The following SUSD6 variants were observed in gnomAD, a reference collection of about 807,000 sequenced individuals.
SUSD6 encodes the protein sushi domain-containing protein 6.
SUSD6 carries 16 observed loss-of-function variants against 28.4 expected under a neutral mutation model. The observed-to-expected ratio is 0.56, with a 90% confidence interval of 0.38 to 0.86. The LOEUF is 0.86. Ranked by LOEUF, SUSD6 falls within the 40% of genes least tolerant of loss-of-function variation. The pLI is 0.00. For synonymous variants in SUSD6, 147 were observed against 159.6 expected, an observed-to-expected ratio of 0.92 and a Z score of 0.59; for missense variants, 341 against 384.2, an observed-to-expected ratio of 0.89 and a Z score of 0.94.
chr14:69,644,084 T>C (rs1206549383), intron 1 of SUSD6, among the ~76,000 whole-genome samples: 1 of 152,246 alleles, frequency 6.6e-6, no homozygotes, highest in Non-Finnish European at 1.5e-5. Flanking sequence ...TTTGTGTTTG[T>C]GTCTTATATA....
chr14:69,675,718 C>A (rs1283237713), intron 2 of SUSD6, among the ~76,000 whole-genome samples: 1 of 152,144 alleles, frequency 6.6e-6, no homozygotes, highest in Non-Finnish European at 1.5e-5. Context: ...ACCATCACAG[C>A]CAGTAAAGGA....
At chr14:69,710,176 A>G (rs1177470579) in intron 5 of SUSD6, among the ~76,000 whole-genome samples, 1 of 152,202 alleles carries the variant, frequency 6.6e-6, no homozygotes, top group Non-Finnish European at 1.5e-5. Context: ...GTAAGTGTAT[A>G]TCATAGCCCT....
chr14:69,632,486 C>T (rs1344452287), intron 1 of SUSD6, among the ~76,000 whole-genome samples: 1 of 152,158 alleles, frequency 6.6e-6, no homozygotes, highest in African/African-American at 2.4e-5. Flanking sequence ...CTTTTCTCTT[C>T]TTCCCAGAGT....
intron 2 of SUSD6, among the ~76,000 whole-genome samples, chr14:69,675,420 G>A (rs1375821007): frequency 6.6e-6 from 1 of 152,178 alleles, no homozygotes; most frequent in Non-Finnish European, 1.5e-5. Context: ...CCTGGTGGAC[G>A]TCCAGAGGAC....
chr14:69,652,028 A>G (rs182325933), intron 1 of SUSD6, among the ~76,000 whole-genome samples: 1 of 152,276 alleles, frequency 6.6e-6, no homozygotes, highest in Admixed American at 6.5e-5. Context: ...GAACATAGTT[A>G]ATTAAAGGAA....
At position 69,612,433 on chromosome 14, in the gene SUSD6, A is replaced by G. The variant is rs1884892715; in HGVS notation, c.-81+605A>G. ...CCCGAAACCAGCTATTTTCTTTCAA[A>G]AAGTAGGCACGTACATACAGACTTT... is the stretch of plus-strand genomic sequence containing the variant. On this transcript the variant is annotated intron_variant, in intron 1 of 5. Coordinates refer to ENST00000342745, the MANE Select transcript of SUSD6 (RefSeq NM_014734.4). Among the ~76,000 whole-genome samples the G allele has an allele frequency of 2.6e-5, 4 of 152,190 alleles. No homozygotes were observed. The South Asian group carries it at 8.3e-4, about 32-fold the overall frequency.
Position 69,639,438 on chromosome 14 carries a change from A to G in SUSD6, c.-80-19075A>G, listed in dbSNP as rs111944904. Among the ~76,000 whole-genome samples, 1,507 of 152,262 alleles carry G rather than the reference A, an allele frequency of 9.9e-3. 10 individuals are homozygous for G. The highest frequency in any genetic ancestry group is 0.018 in the African/African-American group (735 of 41,556). ...TTACTGAGGGGGAAATGGGCCCAGAAAAGTTTTGTTACATGTCCAGAATCA... is the reference window on the plus strand; with the variant it reads ...TTACTGAGGGGGAAATGGGCCCAGAGAAGTTTTGTTACATGTCCAGAATCA... On this transcript the variant is annotated intron_variant, in intron 1 of 5. Coordinates refer to ENST00000342745, the MANE Select transcript of SUSD6 (RefSeq NM_014734.4).
intron 2 of SUSD6, among the ~76,000 whole-genome samples, chr14:69,666,946 T>C (rs1885751078): frequency 6.6e-6 from 1 of 152,208 alleles, no homozygotes; most frequent in Non-Finnish European, 1.5e-5. Context: ...TCATCCTTTG[T>C]TATTCTGAGT....
intron 2 of SUSD6, among the ~76,000 whole-genome samples, chr14:69,666,465 C>T (rs900143335): frequency 5.3e-5 from 8 of 152,138 alleles, no homozygotes; most frequent in Non-Finnish European, 7.3e-5. Context: ...TTTTTTATTT[C>T]GTCAGCACAG....
At chr14:69,669,326 T>C (rs761969669) in intron 2 of SUSD6, among the ~76,000 whole-genome samples, 10 of 152,146 alleles carry the variant, frequency 6.6e-5, no homozygotes, top group Non-Finnish European at 1.3e-4. Flanking sequence ...CCTCCCAAAG[T>C]GCTGGGATTA....
intron 2 of SUSD6, among the ~76,000 whole-genome samples, chr14:69,668,193 C>T (rs1401727029): frequency 6.6e-6 from 1 of 152,176 alleles, no homozygotes; most frequent in East Asian, 1.9e-4. Context: ...CTCAGGGATG[C>T]AGGTGGTGGG....
chr14:69,641,767 A>T (rs78210927), intron 1 of SUSD6, among the ~76,000 whole-genome samples: 14,742 of 146,580 alleles, frequency 0.1, 890 homozygotes, highest in African/African-American at 0.18. Flanking sequence ...TTTAAAAAAA[A>T]TTTTTTTTTT....
intron 2 of SUSD6, among the ~76,000 whole-genome samples, chr14:69,679,448 C>T (rs567955633): frequency 5.9e-4 from 89 of 152,104 alleles, no homozygotes; most frequent in Admixed American, 1.2e-3. Context: ...AGGTGTAACA[C>T]ACAAATTCTT....
intron 2 of SUSD6, among the ~76,000 whole-genome samples, chr14:69,691,559 A>T (rs1886152971): frequency 6.6e-6 from 1 of 152,172 alleles, no homozygotes; most frequent in Admixed American, 6.5e-5. Flanking sequence ...GCCTAAGAGA[A>T]TCAGCACACT....
chr14:69,707,209 T>C (rs965395523), intron 4 of SUSD6, among the ~76,000 whole-genome samples: 10 of 152,334 alleles, frequency 6.6e-5, no homozygotes, highest in African/African-American at 2.2e-4. Context: ...ATTACACCAA[T>C]GTTAAATTTC....
rs118174170 is a variant in SUSD6, at chr14:69,713,611, C to A, written c.*2632C>A. ...ACTCCACAGCTGCCTTGAGGTAGGG[C>A]CTGGCTGAGAGACAAGGGTAGCAGC... On this transcript the variant is annotated 3_prime_UTR_variant, in exon 6 of 6. Transcript: ENST00000342745. The A allele has an allele frequency of 6.6e-6, 1 of 152,286 alleles. No homozygotes were observed. The highest frequency in any genetic ancestry group is 1.9e-4 in the East Asian group (1 of 5,196). 9.4% of individuals were successfully genotyped at this position (152,286 alleles called of 1,614,324 possible). A position where few individuals can be genotyped will look rare whatever the true frequency, so the allele number is the denominator to read the frequency against.
At chr14:69,613,722 A>G (rs1884916512) in intron 1 of SUSD6, among the ~76,000 whole-genome samples, 1 of 152,232 alleles carries the variant, frequency 6.6e-6, no homozygotes, top group South Asian at 2.1e-4. Flanking sequence ...AACAGAGGAC[A>G]GTATTGGTAT....
intron 2 of SUSD6, among the ~76,000 whole-genome samples, chr14:69,666,143 C>T (rs1331500802): frequency 1.3e-5 from 2 of 152,202 alleles, no homozygotes; most frequent in African/African-American, 2.4e-5. Context: ...TCAGTGCATA[C>T]TGAGTAGAGT....
intron 2 of SUSD6, among the ~76,000 whole-genome samples, chr14:69,699,179 A>AT (rs1886276448): frequency 6.6e-6 from 1 of 151,902 alleles, no homozygotes; most frequent in Non-Finnish European, 1.5e-5. Context: ...AGAGGATCAT[A>AT]TTTTTTCATG....
Sources: allele counts gnomAD v4.1 joint callset (sites outside exome capture counted in the v4.1 genomes callset), GRCh38; gene constraint gnomAD v4.1.1; transcripts MANE v1.5; gene names NCBI Gene and HGNC (gene_info 2026-07-23, HGNC 2026-07-21).